The following CDIN1 variants were observed in gnomAD, a reference collection of about 807,000 sequenced individuals.
CDIN1 encodes CDAN1 interacting nuclease 1, also known as CDAN1-interacting nuclease 1.
CDIN1 carries 33 observed loss-of-function variants against 45.3 expected under a neutral mutation model. The observed-to-expected ratio is 0.73, with a 90% CI of 0.55 to 0.97. CDIN1 has a LOEUF of 0.97. CDIN1 is among the 50% of genes least tolerant of loss of function. The pLI, the probability that CDIN1 is intolerant of heterozygous loss-of-function variation, is 0.00. For missense variants in CDIN1, 303 were observed against 339.4 expected, an observed-to-expected ratio of 0.89 and a Z score of 0.84; for synonymous variants, 118 against 124.4, an observed-to-expected ratio of 0.95 and a Z score of 0.34.
At chr15:36,634,070 A>C (rs1323178708) in intron 1 of CDIN1, among the ~76,000 whole-genome samples, 1 of 152,068 alleles carries the variant, frequency 6.6e-6, no homozygotes, top group Non-Finnish European at 1.5e-5. Context: ...ATACTTTATA[A>C]AAATGTCACA....
chr15:36,601,069 A>G (rs2038075208), intron 1 of CDIN1, among the ~76,000 whole-genome samples: 1 of 152,146 alleles, frequency 6.6e-6, no homozygotes, highest in Non-Finnish European at 1.5e-5. Context: ...GGTATCAAAA[A>G]AAAAAAAGTA....
At chr15:36,593,099 C>T (rs796358669) in intron 1 of CDIN1, among the ~76,000 whole-genome samples, 4 of 152,206 alleles carry the variant, frequency 2.6e-5, no homozygotes, top group African/African-American at 9.6e-5. Context: ...AAATGATTAG[C>T]ACGGTTCCTG....
intron 3 of CDIN1, among the ~76,000 whole-genome samples, chr15:36,650,538 G>A (rs1595421983): frequency 6.6e-6 from 1 of 151,808 alleles, no homozygotes; most frequent in African/African-American, 2.4e-5. Context: ...CACCTCCCAG[G>A]TTCAAGAGAT....
intron 10 of CDIN1, among the ~76,000 whole-genome samples, chr15:36,722,078 A>G (rs1459265325): frequency 2.0e-5 from 3 of 152,136 alleles, no homozygotes; most frequent in African/African-American, 7.2e-5. Flanking sequence ...TTTAACTTTG[A>G]ACAGAGAGCT....
chr15:36,804,569 G>T (rs2055160743), intron 10 of CDIN1: 1 of 151,182 alleles, frequency 6.6e-6, no homozygotes, highest in Non-Finnish European at 1.5e-5. Flanking sequence ...GAAACAGAGG[G>T]ATACTCACTA....
intron 5 of CDIN1, chr15:36,669,186 A>T (rs1456033150): frequency 6.6e-6 from 1 of 152,132 alleles, no homozygotes; most frequent in Non-Finnish European, 1.5e-5. Flanking sequence ...CTAATTTATT[A>T]TATCTTATAG....
intron 5 of CDIN1, among the ~76,000 whole-genome samples, chr15:36,661,067 T>C (rs2040993168): frequency 6.6e-6 from 1 of 152,132 alleles, no homozygotes; most frequent in Admixed American, 6.6e-5. Flanking sequence ...GTGAGGCCAG[T>C]GTACAGGTGA....
At chr15:36,653,946 C>T (rs756886013) in intron 3 of CDIN1, among the ~76,000 whole-genome samples, 152 bp from the exon 4 acceptor site, 16 of 152,138 alleles carry the variant, frequency 1.1e-4, no homozygotes, top group African/African-American at 1.7e-4. Flanking sequence ...TATGTTTTTC[C>T]CTTCAGTGCT....
At chr15:36,661,906 G>A (rs921896491) in intron 5 of CDIN1, among the ~76,000 whole-genome samples, 2 of 152,118 alleles carry the variant, frequency 1.3e-5, no homozygotes, top group Admixed American at 6.5e-5. Flanking sequence ...GGATAAAATT[G>A]TCTAAATGTT....
intron 10 of CDIN1, among the ~76,000 whole-genome samples, chr15:36,751,432 G>C (rs72708611): frequency 6.6e-6 from 1 of 151,108 alleles, no homozygotes. Context: ...AGCAGCTCAC[G>C]CCTATAATAC....
At chr15:36,685,000 A>G (rs2041989518) in intron 5 of CDIN1, among the ~76,000 whole-genome samples, 4 of 151,776 alleles carry the variant, frequency 2.6e-5, no homozygotes, top group African/African-American at 7.3e-5. Flanking sequence ...CTAGCGGTCT[A>G]TCTATTTTGT....
At chr15:36,788,779 T>C (rs1448791976) in intron 10 of CDIN1, among the ~76,000 whole-genome samples, 5 of 152,212 alleles carry the variant, frequency 3.3e-5, no homozygotes, top group Non-Finnish European at 7.3e-5. Context: ...ACTCATTTGA[T>C]AAATGTGATA....
chr15:36,787,216 C>G (rs1187971185), intron 10 of CDIN1, among the ~76,000 whole-genome samples: 1 of 152,188 alleles, frequency 6.6e-6, no homozygotes, highest in Non-Finnish European at 1.5e-5. Flanking sequence ...ATGGATGCCT[C>G]TATTTTTGTC....
intron 10 of CDIN1, among the ~76,000 whole-genome samples, chr15:36,740,306 G>T (rs1318544539): frequency 1.3e-5 from 2 of 152,084 alleles, no homozygotes; most frequent in African/African-American, 4.8e-5. Context: ...GTAGATGTGG[G>T]GGGTGGGGAG....
At chr15:36,751,789 C>T (rs2053478659) in intron 10 of CDIN1, among the ~76,000 whole-genome samples, 2 of 152,106 alleles carry the variant, frequency 1.3e-5, no homozygotes, top group South Asian at 4.1e-4. Context: ...AAATGTGGTA[C>T]ATATACACCA....
At chr15:36,782,562 AAG>A (rs1464902997) in intron 10 of CDIN1, among the ~76,000 whole-genome samples, 1 of 152,170 alleles carries the variant, frequency 6.6e-6, no homozygotes, top group Admixed American at 6.5e-5. Flanking sequence ...CCACAAGAGA[AAG>A]AGAAAGAGCT....
chr15:36,806,432 C>T lies in CDIN1; in HGVS notation c.717-1892C>T, dbSNP rs548093597. Among the ~76,000 whole-genome samples the T allele has an allele frequency of 3.8e-4, 58 of 152,278 alleles. 1 individual carries two copies. Among genetic ancestry groups the T allele is most frequent in the Middle Eastern group, 6.8e-3 (2 of 294 alleles). On this transcript the variant is annotated intron_variant, in intron 10 of 10. Coordinates refer to ENST00000566621, the MANE Select transcript of CDIN1 (RefSeq NM_001321759.2). ...ATACTGGGCTTGTTTTTTATGACCT[C>T]CATATATTCTTTTGTTCTTCTCTGT...
intron 1 of CDIN1, chr15:36,626,760 C>T (rs2039445000): frequency 7.7e-6 from 3 of 387,628 alleles, no homozygotes; most frequent in Admixed American, 2.9e-5. Context: ...TAGTCCCTTA[C>T]TTGGTGTGCG....
chr15:36,806,842 C>T (rs1002030118), intron 10 of CDIN1, among the ~76,000 whole-genome samples: 14 of 152,160 alleles, frequency 9.2e-5, no homozygotes, highest in African/African-American at 1.2e-4. Flanking sequence ...GTGTGAGCTT[C>T]GTCTTGTATG....
Sources: allele counts gnomAD v4.1 joint callset (sites outside exome capture counted in the v4.1 genomes callset), GRCh38; gene constraint gnomAD v4.1.1; transcripts MANE v1.5; gene names NCBI Gene and HGNC (gene_info 2026-07-23, HGNC 2026-07-21).